The following DLL3 variants were observed in gnomAD, a reference collection of about 807,000 sequenced individuals.
DLL3 encodes delta-like protein 3.
Under a neutral mutation model 55.0 loss-of-function variants are expected in DLL3, and 49 were observed. The observed-to-expected ratio is 0.89, with a 90% confidence interval of 0.71 to 1.13. The LOEUF is 1.13. Ranked by LOEUF, DLL3 falls within the 50% of genes most tolerant of loss-of-function variation. The pLI, the probability that DLL3 is intolerant of heterozygous loss-of-function variation, is 0.00. For synonymous variants in DLL3, 421 were observed against 385.2 expected (o/e 1.09, Z -1.09); for missense variants, 962 against 875.5 (o/e 1.10, Z -1.25).
intron 7 of DLL3, 97 bp downstream of exon 7, chr19:39,507,715 G>A: frequency 1.3e-6 from 2 of 1,596,912 alleles, no homozygotes; most frequent in South Asian, 2.2e-5. Flanking sequence ...CATTTCCCTG[G>A]TCGGTCTCTC....
chr19:39,500,180 C>T (rs2079601231), intron 2 of DLL3, among the ~76,000 whole-genome samples: 1 of 151,354 alleles, frequency 6.6e-6, no homozygotes. Flanking sequence ...GTAATTCCAG[C>T]ACTTTGGGAG....
chr19:39,504,409 G>GACCTCCCTGATA, intron 5 of DLL3, 121 bp downstream of exon 5: 1 of 1,159,860 alleles, frequency 8.6e-7, no homozygotes, highest in Non-Finnish European at 1.2e-6. Context: ...CTATCAGGGA[G>GACCTCCCTGATA]GTCTTCCTGG....
chr19:39,499,116 C>T, intron 1 of DLL3, 73 bp downstream of exon 1: 1 of 1,612,670 alleles, frequency 6.2e-7, no homozygotes, highest in Non-Finnish European at 8.5e-7. Context: ...CCTGAAGGTC[C>T]TGGGGAAGGA....
chr19:39,501,628 G>A (rs1384338519), intron 3 of DLL3, among the ~76,000 whole-genome samples: 2 of 152,162 alleles, frequency 1.3e-5, no homozygotes, highest in African/African-American at 4.8e-5. Context: ...CCGTTCTGAT[G>A]TAGAAAGCTG....
intron 4 of DLL3, 129 bp downstream of exon 4, chr19:39,503,186 A>C: frequency 5.7e-5 from 55 of 956,784 alleles, no homozygotes; most frequent in Non-Finnish European, 7.2e-5. Context: ...GTCCCCCACC[A>C]TGTACCCCAG....
intron 5 of DLL3, among the ~76,000 whole-genome samples, chr19:39,504,725 G>C (rs1047679185): frequency 1.3e-5 from 2 of 152,144 alleles, no homozygotes; most frequent in Non-Finnish European, 2.9e-5. Context: ...GTGGCCAGGT[G>C]AGTGGCCTGC....
At chr19:39,501,478 A>AT (rs36120417) in intron 3 of DLL3, among the ~76,000 whole-genome samples, 18,505 of 150,590 alleles carry the variant, frequency 0.12, 1,119 homozygotes, top group Non-Finnish European at 0.13. Context: ...TTTTGTCACC[A>AT]TTTTTTTTCT....
In DLL3 at chr19:39,507,475, C is replaced by T; in HGVS notation, c.1530C>T (p.Leu510=). 1 of 1,594,686 alleles carries T rather than the reference C, an allele frequency of 6.3e-7. No individual in the cohort carries two copies. The highest frequency in any genetic ancestry group is 8.5e-7 in the Non-Finnish European group (1 of 1,171,904). The change falls in exon 7 of 9, where the codon CTC becomes CTT. Residue 510 remains leucine (L), a synonymous_variant. Transcript: ENST00000356433. The part of the protein sequence containing the change: ...LVAAGVAGAA[L]LLVHVRRRGH... ...CCGCGGGCGTGGCCGGCGCTGCGCTCTTGCTGGTCCACGTGCGCCGCCGTG... is the reference window on the plus strand; with the variant it reads ...CCGCGGGCGTGGCCGGCGCTGCGCTTTTGCTGGTCCACGTGCGCCGCCGTG...
chr19:39,507,991 C>A (rs1160237228), intron 8 of DLL3, 77 bp downstream of exon 8: 1 of 1,613,834 alleles, frequency 6.2e-7, no homozygotes, highest in East Asian at 2.2e-5. Context: ...CCCTACCCTT[C>A]CTCGATTCTG....
Position 39,507,568 on chromosome 19 carries a change from G to A in DLL3, c.1623G>A (p.Pro541=), listed in dbSNP as rs200988915. ...CGGAGCCGTCAGTCCACGCACTCCC[G>A]GATGCACTCAACAACCTAAGGACGC... ...GTPEPSVHAL[P]DALNNLRTQE... is the part of the protein sequence containing the mutation. Residue 541 remains proline (P), a synonymous_variant, in exon 7 of 9, where the codon CCG becomes CCA. Coordinates refer to ENST00000356433, the MANE Select transcript of DLL3 (RefSeq NM_203486.3). 448 of 1,608,856 alleles carry A rather than the reference G, an allele frequency of 2.8e-4. No homozygotes were observed. The highest frequency in any genetic ancestry group is 3.7e-4 in the Non-Finnish European group (431 of 1,178,250).
rs199914742 is a variant in DLL3, at chr19:39,502,197, C to CA, written c.410-608dup. The stretch of plus-strand genomic sequence containing the variant: ...GTGAGACTCCGTCGCAAAAAACAAA[C>CA]AAAAAAAAAACAAATATCTGGGTCA... On this transcript the variant is annotated intron_variant, in intron 3 of 8. Coordinates refer to ENST00000356433, the MANE Select transcript of DLL3 (RefSeq NM_203486.3). Among the ~76,000 whole-genome samples, 1,133 of 146,488 alleles carry CA rather than the reference C, an allele frequency of 7.7e-3. 5 individuals carry two copies. Among genetic ancestry groups the CA allele is most frequent in the East Asian group, 0.018 (92 of 4,984 alleles).
chr19:39,499,852 C>A (rs1175886524), intron 2 of DLL3, among the ~76,000 whole-genome samples: 1 of 145,254 alleles, frequency 6.9e-6, no homozygotes, highest in African/African-American at 2.7e-5. Context: ...TATCTTCTCT[C>A]TCTTTTTTTT....
rs1464999525 is a variant in DLL3 at position 39,499,289 on chromosome 19, G to A, written c.167G>A (p.Cys56Tyr). The A allele has an allele frequency of 6.5e-7, 1 of 1,542,050 alleles. No individual in the cohort carries two copies. The highest frequency in any genetic ancestry group is 8.7e-7 in the Non-Finnish European group (1 of 1,148,034). The change falls in exon 2 of 9, where the codon TGC (cysteine) becomes TAC (tyrosine). Residue 56 changes from cysteine to tyrosine, a missense_variant. Transcript: ENST00000356433. Reference protein sequence around the residue: ...PRSPCSARLPCRLFFRVCLKP... With the variant: ...PRSPCSARLPYRLFFRVCLKP... ...TCCCCCTGCAGCGCCCGGCTCCCCT[G>A]CCGCCTCTTCTTCAGAGTCTGCCTG...
At position 39,507,296 on chromosome 19, in the gene DLL3, C is replaced by A. The variant is rs867662739; in HGVS notation, c.1351C>A (p.Leu451Ile). Residue 451 changes from leucine to isoleucine, a missense_variant, in exon 7 of 9, where the codon CTC becomes ATC. Leu to Ile is a conservative substitution (Grantham distance 5). Coordinates refer to ENST00000356433, the MANE Select transcript of DLL3 (RefSeq NM_203486.3). ...GGRCYAHFSGLVCACAPGYMG... is the reference protein window; with the variant it reads ...GGRCYAHFSGIVCACAPGYMG... Reference sequence around the variant, plus strand: ...CCGCTGCTACGCCCACTTCTCCGGCCTCGTCTGCGCTTGCGCTCCCGGCTA... The same window carrying A: ...CCGCTGCTACGCCCACTTCTCCGGCATCGTCTGCGCTTGCGCTCCCGGCTA... The A allele has an allele frequency of 3.9e-6, 6 of 1,550,542 alleles. No homozygotes were observed. The highest frequency in any genetic ancestry group is 3.4e-4 in the Middle Eastern group (2 of 5,898).
At chr19:39,502,674 G>A in intron 3 of DLL3, 141 bp from the exon 4 acceptor site, 1 of 1,074,448 alleles carries the variant, frequency 9.3e-7, no homozygotes, top group African/African-American at 1.6e-5. Context: ...CATTCTACTC[G>A]CGAGGTCCAA....
At position 39,507,046 on chromosome 19, in the gene DLL3, C is replaced by A; in HGVS notation, c.1101C>A (p.Leu367=). 2.6e-6 allele frequency: 4 copies of A among 1,536,336 alleles called. No individual in the cohort carries two copies. The highest frequency in any genetic ancestry group is 3.5e-6 in the Non-Finnish European group (4 of 1,147,754). ...CSLQPCRNGG[L]CLDLGHALRC... is the part of the protein sequence containing the mutation. ...ATGCTCCCTTCCCCACAGGCGGACT[C>A]TGCCTGGACCTGGGCCACGCCCTGC... is the stretch of plus-strand genomic sequence containing the variant. The change falls in exon 7 of 9, where the codon CTC becomes CTA. Residue 367 remains leucine, a synonymous_variant. Transcript: ENST00000356433.
Position 39,507,109 on chromosome 19 carries a change from C to A in DLL3, c.1164C>A (p.Cys388Ter). The A allele has an allele frequency of 1.3e-6, 2 of 1,542,404 alleles. No homozygotes were observed. The highest frequency in any genetic ancestry group is 1.7e-6 in the Non-Finnish European group (2 of 1,151,338). The change falls in exon 7 of 9, where the codon TGC becomes TGA. Residue 388 changes from cysteine to a stop codon, truncating the protein, a stop_gained. Coordinates refer to ENST00000356433, the MANE Select transcript of DLL3 (RefSeq NM_203486.3). LOFTEE classifies it high-confidence loss of function. Reference sequence around the variant, plus strand: ...GCGCCGGCTTCGCGGGTCCTCGCTGCGAGCACGACCTGGACGACTGCGCGG... The same window carrying A: ...GCGCCGGCTTCGCGGGTCCTCGCTGAGAGCACGACCTGGACGACTGCGCGG... Reference protein sequence around the residue: ...RCRAGFAGPRCEHDLDDCAGR... With the variant: ...RCRAGFAGPR
chr19:39,502,983 C>A lies in DLL3; in HGVS notation c.578C>A (p.Pro193Gln), dbSNP rs2079619166. Residue 193 changes from proline to glutamine, a missense_variant, in exon 4 of 9, where the codon CCG becomes CAG. Physicochemically the swap from Pro to Gln is moderately conservative, Grantham distance 76. Coordinates refer to ENST00000356433, the MANE Select transcript of DLL3 (RefSeq NM_203486.3). ...ACCGCGTGCACGCGCCTCTGCCGTCCGCGCAGCGCCCCCTCGCGGTGCGGT... is the reference window on the plus strand; with the variant it reads ...ACCGCGTGCACGCGCCTCTGCCGTCAGCGCAGCGCCCCCTCGCGGTGCGGT... ...VGTACTRLCR[P>Q]RSAPSRCGPG... The A allele has an allele frequency of 2.7e-6, 4 of 1,483,170 alleles. No individual in the cohort carries two copies. The East Asian group carries it at 1.1e-4, about 43-fold the overall frequency. 91.9% of individuals were successfully genotyped at this position (1,483,170 alleles called of 1,614,324 possible).
In DLL3 at chr19:39,507,023, G is replaced by A. The variant is rs759704108; in HGVS notation, c.1094-16G>A. Reference sequence around the variant, plus strand: ...CGGCTCCCGGACTGCGCCCTCTGATGCTCCCTTCCCCACAGGCGGACTCTG... The same window carrying A: ...CGGCTCCCGGACTGCGCCCTCTGATACTCCCTTCCCCACAGGCGGACTCTG... On this transcript the variant is annotated splice_polypyrimidine_tract_variant and intron_variant, in intron 6 of 8. Coordinates refer to ENST00000356433, the MANE Select transcript of DLL3 (RefSeq NM_203486.3). 4 of 1,533,110 alleles carry A rather than the reference G, an allele frequency of 2.6e-6. No individual in the cohort carries two copies. The highest frequency in any genetic ancestry group is 3.5e-6 in the Non-Finnish European group (4 of 1,146,086). The allele number at this position is 1,533,110 out of a possible 1,614,324, so 95.0% of individuals were successfully genotyped here.
Sources: gnomAD v4.1 joint callset for allele counts (sites outside exome capture counted in the v4.1 genomes callset) on GRCh38, gnomAD v4.1.1 for gene constraint, MANE v1.5 for transcripts, NCBI Gene and HGNC (gene_info 2026-07-23, HGNC 2026-07-21) for gene names.